HPSE2: variants seen among roughly 807,000 people sequenced by gnomAD.
HPSE2 encodes the protein inactive heparanase-2.
A neutral mutation model predicts 60.5 loss-of-function variants in HPSE2; 38 were observed. The ratio of observed to expected loss-of-function variants is 0.63; its 90% CI spans 0.48 to 0.82. The LOEUF (loss-of-function observed/expected upper bound fraction) is 0.82, where lower values mean the gene tolerates loss of function less well. Ranked by LOEUF, HPSE2 falls within the 40% of genes least tolerant of loss-of-function variation. The pLI is 0.00. For missense variants in HPSE2, 713 were observed against 740.4 expected, an observed-to-expected ratio of 0.96 and a Z score of 0.43; for synonymous variants, 295 against 293.2, an observed-to-expected ratio of 1.01 and a Z score of -0.06.
chr10:99,133,133 C>A (rs1845511121), intron 3 of HPSE2, among the ~76,000 whole-genome samples: 1 of 152,214 alleles, frequency 6.6e-6, no homozygotes, highest in Non-Finnish European at 1.5e-5. Context: ...CTGAAAAGTT[C>A]AAACTGGGCG....
chr10:99,304,079 T>A, the HPSE2 span, among the ~76,000 whole-genome samples: 1 of 152,174 alleles, frequency 6.6e-6, no homozygotes, highest in East Asian at 1.9e-4. Flanking sequence ...CCTCTGCCCT[T>A]CTGAAGCCTG....
At chr10:98,990,969 C>T (rs781025113) in intron 3 of HPSE2, among the ~76,000 whole-genome samples, 2 of 152,176 alleles carry the variant, frequency 1.3e-5, no homozygotes, top group Non-Finnish European at 2.9e-5. Flanking sequence ...AAACCCCATG[C>T]CCCAATCATA....
chr10:98,868,668 T>A (rs1282377555), intron 3 of HPSE2, among the ~76,000 whole-genome samples: 3 of 152,120 alleles, frequency 2.0e-5, no homozygotes, highest in Admixed American at 1.3e-4. Context: ...TTAAAAAATT[T>A]AATATGAATG....
chr10:98,583,023 G>A (rs1026579376), intron 9 of HPSE2, among the ~76,000 whole-genome samples: 10 of 151,994 alleles, frequency 6.6e-5, no homozygotes, highest in Admixed American at 5.2e-4. Context: ...CCCAACCAAC[G>A]AAGACTAGGG....
chr10:98,986,745 G>A (rs1198546722), intron 3 of HPSE2, among the ~76,000 whole-genome samples: 1 of 151,138 alleles, frequency 6.6e-6, no homozygotes, highest in African/African-American at 2.4e-5. Flanking sequence ...TAGACTGCTA[G>A]CTAGACTAAT....
chr10:99,289,477 C>A, the HPSE2 span, among the ~76,000 whole-genome samples: 1 of 151,848 alleles, frequency 6.6e-6, no homozygotes, highest in Middle Eastern at 3.4e-3. Flanking sequence ...CATGATTTTT[C>A]TTTTTAGAAT....
At chr10:98,524,223 A>G (rs2133782027) in intron 9 of HPSE2, among the ~76,000 whole-genome samples, 1 of 152,358 alleles carries the variant, frequency 6.6e-6, no homozygotes, top group African/African-American at 2.4e-5. Flanking sequence ...ATAATGGGAC[A>G]CGCGCATGAG....
chr10:98,960,701 C>CTTTTTTTTTTTATTTTTATTTTT (rs1955634019), intron 3 of HPSE2, among the ~76,000 whole-genome samples: 1 of 57,566 alleles, frequency 1.7e-5, no homozygotes, highest in African/African-American at 8.4e-5. Flanking sequence ...ATGTACATTT[C>CTTTTTTTTTTTATTTTTATTTTT]TTTTTTTTTT....
rs1004952576 is a variant in HPSE2, at chr10:98,883,209, TA to T, written c.611-139154del. Reference sequence around the variant, plus strand: ...AAGGAATATACATTTTGGCACAATTTAAAAAAAAACTTTTTTAACAGTAAAA... The same window carrying T: ...AAGGAATATACATTTTGGCACAATTTAAAAAAAACTTTTTTAACAGTAAAA... On this transcript the variant is annotated intron_variant, in intron 3 of 11. Transcript: ENST00000370552. 1.0e-3 allele frequency among the ~76,000 whole-genome samples: 157 copies of T among 151,522 alleles called. 1 individual carries two copies. Among genetic ancestry groups the T allele is most frequent in the African/African-American group, 3.8e-3 (155 of 41,320 alleles).
chr10:98,641,292 T>C (rs903825564), intron 7 of HPSE2, among the ~76,000 whole-genome samples: 7 of 152,138 alleles, frequency 4.6e-5, no homozygotes, highest in Non-Finnish European at 8.8e-5. Context: ...CATATTAAAA[T>C]AGACATGCTT....
intron 3 of HPSE2, among the ~76,000 whole-genome samples, chr10:99,103,538 C>T (rs1844104798): frequency 6.6e-6 from 1 of 152,084 alleles, no homozygotes; most frequent in African/African-American, 2.4e-5. Flanking sequence ...GAATCGATAT[C>T]GTGAAAATGG....
intron 4 of HPSE2, among the ~76,000 whole-genome samples, chr10:98,728,383 C>T (rs555584303): frequency 3.3e-5 from 5 of 152,104 alleles, no homozygotes; most frequent in East Asian, 1.9e-4. Flanking sequence ...TTTGGGAGGC[C>T]GAGGTGGGTG....
chr10:98,896,035 T>A (rs1456243640), intron 3 of HPSE2, among the ~76,000 whole-genome samples: 4 of 151,346 alleles, frequency 2.6e-5, no homozygotes, highest in Admixed American at 1.3e-4. Context: ...TGTATACATA[T>A]GTAACTAACC....
At chr10:98,822,327 G>A (rs1454419637) in intron 3 of HPSE2, among the ~76,000 whole-genome samples, 1 of 152,104 alleles carries the variant, frequency 6.6e-6, no homozygotes, top group Non-Finnish European at 1.5e-5. Flanking sequence ...ATATGTTCTA[G>A]TTAAAATTTG....
chr10:98,700,041 C>T (rs12766019), intron 5 of HPSE2, among the ~76,000 whole-genome samples: 107,639 of 150,952 alleles, frequency 0.71, 40,423 homozygotes, highest in South Asian at 0.95. Context: ...TAGGAAGAAT[C>T]GATATCATGA....
At chr10:99,063,650 A>G (rs1487561574) in intron 3 of HPSE2, among the ~76,000 whole-genome samples, 1 of 152,232 alleles carries the variant, frequency 6.6e-6, no homozygotes, top group Non-Finnish European at 1.5e-5. Flanking sequence ...AAAAATACAC[A>G]TAAAAGGATG....
chr10:98,581,550 A>G (rs1944798997), intron 9 of HPSE2, among the ~76,000 whole-genome samples: 1 of 152,196 alleles, frequency 6.6e-6, no homozygotes, highest in Non-Finnish European at 1.5e-5. Flanking sequence ...TACAGCTGTC[A>G]GAATGTATAA....
intron 3 of HPSE2, 133 bp downstream of exon 3, chr10:99,144,105 A>G: frequency 3.3e-6 from 3 of 901,012 alleles, no homozygotes; most frequent in Non-Finnish European, 5.2e-6. Flanking sequence ...ACTACAAGGA[A>G]TATTTGTAAT....
At chr10:98,800,508 T>C (rs2134521542) in intron 3 of HPSE2, among the ~76,000 whole-genome samples, 1 of 148,392 alleles carries the variant, frequency 6.7e-6, no homozygotes, top group South Asian at 2.1e-4. Context: ...ATATAACATA[T>C]ATAATAAAAT....
Sources: allele counts gnomAD v4.1 joint callset (sites outside exome capture counted in the v4.1 genomes callset), GRCh38; gene constraint gnomAD v4.1.1; transcripts MANE v1.5; gene names NCBI Gene and HGNC (gene_info 2026-07-23, HGNC 2026-07-21).